The following SATB1 variants were observed in gnomAD, a reference collection of about 807,000 sequenced individuals.
The protein encoded by SATB1 is DNA-binding protein SATB1.
In SATB1, 11 loss-of-function variants were observed where a neutral mutation model predicts 86.9. That is an observed-to-expected ratio of 0.13 (90% confidence interval 0.08 to 0.21). SATB1 has a LOEUF of 0.21. Among genes scored for constraint, SATB1 ranks in the 10% least tolerant of loss-of-function variants. SATB1 has a pLI of 1.00. For missense variants in SATB1, 551 were observed against 937.6 expected (o/e 0.59, Z 5.39); for synonymous variants, 357 against 357.2 (o/e 1.00, Z 0.01).
chr3:18,363,591 C>T (rs1276793599), intron 9 of SATB1, among the ~76,000 whole-genome samples: 2 of 152,138 alleles, frequency 1.3e-5, no homozygotes, highest in South Asian at 4.1e-4. Context: ...CTACTCCATC[C>T]TTGTGAGCCC....
intron 2 of SATB1, among the ~76,000 whole-genome samples, chr3:18,418,849 T>C (rs935636138): frequency 3.3e-5 from 5 of 152,166 alleles, no homozygotes; most frequent in African/African-American, 9.7e-5. Context: ...CCTCCTACAA[T>C]TAAACTGCAT....
At chr3:18,351,400 A>AGAGG in intron 10 of SATB1, 3 of 1,548,022 alleles carry the variant, frequency 1.9e-6, no homozygotes, top group Non-Finnish European at 2.6e-6. Flanking sequence ...GGGTGGTGGG[A>AGAGG]GAGGGGCTCT....
chr3:18,419,094 A>T (rs977234626), intron 2 of SATB1, among the ~76,000 whole-genome samples: 94 of 152,270 alleles, frequency 6.2e-4, no homozygotes, highest in Admixed American at 1.7e-3. Context: ...CTATTGAAAT[A>T]TATTGGATTT....
chr3:18,363,840 A>G (rs1429689417), intron 9 of SATB1, among the ~76,000 whole-genome samples: 1 of 152,160 alleles, frequency 6.6e-6, no homozygotes, highest in African/African-American at 2.4e-5. Context: ...TTGATACTAA[A>G]GGTATAGTTA....
At chr3:18,351,748 G>A in intron 10 of SATB1, 1 of 543,576 alleles carries the variant, frequency 1.8e-6, no homozygotes. Flanking sequence ...TGCCAAACGA[G>A]TGTAAAAAAG....
intron 1 of SATB1, chr3:18,436,998 C>T (rs1360614569): frequency 1.3e-5 from 2 of 152,096 alleles, no homozygotes; most frequent in Non-Finnish European, 2.9e-5. Flanking sequence ...ATTCTAGAAG[C>T]CATAGTGAAA....
At chr3:18,419,634 T>C (rs1698289640) in intron 2 of SATB1, among the ~76,000 whole-genome samples, 2 of 152,184 alleles carry the variant, frequency 1.3e-5, no homozygotes, top group African/African-American at 2.4e-5. Context: ...ACAATATTAA[T>C]GCACTCTGTT....
Position 18,386,949 on chromosome 3 carries a change from G to A in SATB1, c.1207-338C>T, listed in dbSNP as rs1696375772. Among the ~76,000 whole-genome samples, 1 of 152,178 alleles carries A rather than the reference G, an allele frequency of 6.6e-6. No homozygotes were observed. The highest frequency in any genetic ancestry group is 1.5e-5 in the Non-Finnish European group (1 of 68,036). Reference sequence around the variant, plus strand: ...CCTTATAATGCAACAGCACTGAACTGTATAGTTCCCAAGCTGCCTAGACAA... The same window carrying A: ...CCTTATAATGCAACAGCACTGAACTATATAGTTCCCAAGCTGCCTAGACAA... On this transcript the variant is annotated intron_variant, in intron 7 of 10. Coordinates refer to ENST00000338745, the MANE Select transcript of SATB1 (RefSeq NM_002971.6). This position sits in a 1 kb window ranked among gnomAD's most constrained non-coding sequence, Gnocchi z 4.5.
intron 5 of SATB1, among the ~76,000 whole-genome samples, chr3:18,397,766 C>A (rs182764258): frequency 1.6e-4 from 25 of 152,290 alleles, no homozygotes; most frequent in Admixed American, 1.6e-3. Flanking sequence ...TTGGGCCCTA[C>A]CCCAGACCAG....
intron 5 of SATB1, among the ~76,000 whole-genome samples, chr3:18,401,119 G>C (rs1160489901): frequency 6.6e-6 from 1 of 152,140 alleles, no homozygotes; most frequent in Non-Finnish European, 1.5e-5. Context: ...TCCTGCAGCA[G>C]AGCACTCATC....
chr3:18,394,820 G>A lies in SATB1; in HGVS notation c.848C>T (p.Pro283Leu). The A allele has an allele frequency of 1.2e-6, 2 of 1,614,148 alleles. No individual in the cohort carries two copies. Among genetic ancestry groups the A allele is most frequent in the South Asian group, 1.1e-5 (1 of 91,084 alleles). The change falls in exon 7 of 11, where the codon CCA becomes CTA. Residue 283 changes from proline (P) to leucine (L), a missense_variant. Transcript: ENST00000338745. This position sits in a 1 kb window ranked among gnomAD's most constrained non-coding sequence, Gnocchi z 5.9. ...GCCATGGGAGAGCTGCGCAGGGGAT[G>A]GAGGCTGCTCGGCTGTGTTCCCTGG... ...PVPGNTAEQP[P>L]SPAQLSHGSQ... is the part of the protein sequence containing the mutation.
At chr3:18,436,644 C>T (rs1699071849) in intron 2 of SATB1, 2 of 151,990 alleles carry the variant, frequency 1.3e-5, no homozygotes, top group African/African-American at 4.8e-5. Context: ...GCACAAGCTA[C>T]ATTTTATATT....
chr3:18,358,200 T>C (rs1260444079), intron 9 of SATB1, among the ~76,000 whole-genome samples: 3 of 151,954 alleles, frequency 2.0e-5, no homozygotes, highest in East Asian at 3.8e-4. Context: ...CTTTTTCTTC[T>C]TTCCCATTCA....
intron 10 of SATB1, 75 bp downstream of exon 10, chr3:18,351,917 G>A: frequency 7.0e-7 from 1 of 1,424,864 alleles, no homozygotes; most frequent in Non-Finnish European, 9.9e-7. Context: ...AGGAGGAAGA[G>A]AAACGCTAAT....
rs541977447 is a variant in SATB1 at position 18,352,345 on chromosome 3, A to G, written c.1576-150T>C. The G allele has an allele frequency of 1.5e-6, 1 of 645,186 alleles. No homozygotes were observed. The highest frequency in any genetic ancestry group is 2.8e-5 in the East Asian group (1 of 36,160). The allele number at this position is 645,186 out of a possible 1,614,324, so 40.0% of individuals were successfully genotyped here. ...CTTTAAAAATTGTTTTTAACTTGTT[A>G]AGAGAGGTTATCTGTGGCTGTCAAG... On this transcript the variant is annotated intron_variant, in intron 9 of 10. Coordinates refer to ENST00000338745, the MANE Select transcript of SATB1 (RefSeq NM_002971.6). This position sits in a 1 kb window ranked among gnomAD's most constrained non-coding sequence, Gnocchi z 4.1.
At chr3:18,359,834 G>A (rs1262210342) in intron 9 of SATB1, among the ~76,000 whole-genome samples, 3 of 150,540 alleles carry the variant, frequency 2.0e-5, no homozygotes, top group Non-Finnish European at 3.0e-5. Context: ...TCAGTACTCC[G>A]AAGGTTCATG....
In SATB1 at chr3:18,416,021, T is replaced by A. The variant is rs1249400699; in HGVS notation, c.501A>T (p.Lys167Asn). ...LQDVYHVVTL[K>N]IQLHSCPKLE... is the part of the protein sequence containing the mutation. ...TCTTGACTCACCTGTGTAACTGAAT[T>A]TTCAATGTGACCACATGATACACAT... Residue 167 changes from lysine (K) to asparagine (N), a missense_variant, in exon 4 of 11, where the codon AAA becomes AAT. Physicochemically the swap from Lys to Asn is moderately conservative, Grantham distance 94. This residue lies in a region of SATB1 where 153 missense variants were observed against 258.1 expected (regional missense o/e 0.59). Transcript: ENST00000338745. The A allele has an allele frequency of 6.2e-7, 1 of 1,604,362 alleles. No homozygotes were observed. Among genetic ancestry groups the A allele is most frequent in the Non-Finnish European group, 8.5e-7 (1 of 1,173,718 alleles).
chr3:18,387,816 T>C (rs1005506005), intron 7 of SATB1, among the ~76,000 whole-genome samples: 1 of 152,174 alleles, frequency 6.6e-6, no homozygotes. Context: ...TAACGTGTCA[T>C]GTCAAAACAA....
chr3:18,359,160 T>C (rs1193583859), intron 9 of SATB1, among the ~76,000 whole-genome samples: 1 of 152,048 alleles, frequency 6.6e-6, no homozygotes, highest in Admixed American at 6.6e-5. Context: ...ATGGTATTTA[T>C]GTTTACCTCT....
Sources: gnomAD v4.1 joint callset for allele counts (sites outside exome capture counted in the v4.1 genomes callset) on GRCh38, gnomAD v4.1.1 for gene constraint, gnomAD v4.1.1 regional missense constraint, Gnocchi (gnomAD v3.1) non-coding constraint, MANE v1.5 for transcripts, NCBI Gene and HGNC (gene_info 2026-07-23, HGNC 2026-07-21) for gene names.